The following SLC25A24 variants were observed in gnomAD, a reference collection of about 807,000 sequenced individuals.
The protein encoded by SLC25A24 is solute carrier family 25 member 24.
In SLC25A24, 49 loss-of-function variants were observed where a neutral mutation model predicts 60.7. The observed-to-expected ratio is 0.81, with a 90% CI of 0.64 to 1.02. The LOEUF (loss-of-function observed/expected upper bound fraction) is 1.02, where lower values mean the gene tolerates loss of function less well. SLC25A24 is among the 50% of genes least tolerant of loss of function. The pLI is 0.00. For missense variants in SLC25A24, 564 were observed against 586.3 expected (o/e 0.96, Z 0.39); for synonymous variants, 202 against 200.6 (o/e 1.01, Z -0.06).
At position 108,189,697 on chromosome 1, in the gene SLC25A24, TC is replaced by T. The variant is rs536222867; in HGVS notation, c.184-3744del. Among the ~76,000 whole-genome samples the T allele has an allele frequency of 2.5e-3, 386 of 151,578 alleles. 4 individuals are homozygous for T. Among genetic ancestry groups the T allele is most frequent in the African/African-American group, 9.2e-3 (381 of 41,266 alleles). On this transcript the variant is annotated intron_variant, in intron 1 of 9. Transcript: ENST00000565488. Reference sequence around the variant, plus strand: ...CAGGAGTGGTGGCACACGCCTGTAGTCCCAGCTACTCCGGAGGTTGAGGCAC... The same window carrying T: ...CAGGAGTGGTGGCACACGCCTGTAGTCCAGCTACTCCGGAGGTTGAGGCAC...
chr1:108,162,188 T>C (rs973293406), intron 3 of SLC25A24, among the ~76,000 whole-genome samples: 40 of 152,178 alleles, frequency 2.6e-4, no homozygotes, highest in Middle Eastern at 3.4e-3. Context: ...TAATCCAGTC[T>C]ATCATTGTTG....
intron 3 of SLC25A24, among the ~76,000 whole-genome samples, chr1:108,180,616 A>ATCTCTCTCTCTCTCTCTCTCTCTC (rs3043349): frequency 3.2e-5 from 2 of 61,748 alleles, no homozygotes; most frequent in African/African-American, 1.4e-4. Context: ...CAAGAGAAAG[A>ATCTCTCTCTCTCTCTCTCTCTCTC]TCTCTCTCTC....
intron 6 of SLC25A24, 89 bp downstream of exon 6, chr1:108,154,894 A>T (rs1571285815): frequency 1.0e-6 from 1 of 977,960 alleles, no homozygotes. Flanking sequence ...TATTAAAACA[A>T]GAATCCCAAA....
At chr1:108,140,300 C>T (rs1679409321) in intron 8 of SLC25A24, among the ~76,000 whole-genome samples, 1 of 151,874 alleles carries the variant, frequency 6.6e-6, no homozygotes, top group Non-Finnish European at 1.5e-5. Flanking sequence ...ACTGTATGGG[C>T]AAAACTGCCC....
chr1:108,188,281 C>G (rs957285023), intron 1 of SLC25A24, among the ~76,000 whole-genome samples: 2 of 152,186 alleles, frequency 1.3e-5, no homozygotes, highest in South Asian at 4.2e-4. Flanking sequence ...ACTATGCTCA[C>G]TACCTGGGTG....
intron 3 of SLC25A24, among the ~76,000 whole-genome samples, chr1:108,165,691 A>G (rs145262119): frequency 2.0e-5 from 3 of 152,074 alleles, no homozygotes; most frequent in Admixed American, 6.5e-5. Context: ...GTGTGTCTCT[A>G]CATGTGAGAT....
At position 108,148,377 on chromosome 1, in the gene SLC25A24, A is replaced by G. The variant is rs761350702; in HGVS notation, c.832T>C (p.Leu278=). ...KFWAYEQYKK[L]LTEEGQKIGT... is the part of the protein sequence containing the mutation. ...ATTTTTTGTCCTTCTTCAGTAAGTA[A>G]CTTCTTGTACTGTATAAACAAGTTT... The change falls in exon 7 of 10, where the codon TTA becomes CTA. Residue 278 remains leucine (L), a synonymous_variant. Transcript: ENST00000565488. The G allele has an allele frequency of 6.3e-7, 1 of 1,584,356 alleles. No homozygotes were observed. The highest frequency in any genetic ancestry group is 1.7e-5 in the Admixed American group (1 of 59,938).
Position 108,163,457 on chromosome 1 carries a change from C to T in SLC25A24, c.399-2164G>A, listed in dbSNP as rs1571293523. ...GAATGTTCTTCCATTTGTTTGTATC[C>T]TCTTTTATTTCATTAAGCAGTGGTT... On this transcript the variant is annotated intron_variant, in intron 3 of 9. Transcript: ENST00000565488. Among the ~76,000 whole-genome samples the T allele has an allele frequency of 2.0e-5, 3 of 150,156 alleles. 1 individual carries two copies. The highest frequency in any genetic ancestry group is 6.8e-3 in the Middle Eastern group (2 of 292).
At chr1:108,160,065 C>A (rs1359896854) in intron 4 of SLC25A24, among the ~76,000 whole-genome samples, 1 of 151,922 alleles carries the variant, frequency 6.6e-6, no homozygotes, top group East Asian at 2.0e-4. Flanking sequence ...CCCCTCACCT[C>A]CCGGATGGGG....
rs1558023998 is a variant in SLC25A24 at position 108,180,658 on chromosome 1, C to CTG, written c.398+1282_398+1283insCA. Among the ~76,000 whole-genome samples the CTG allele has an allele frequency of 9.6e-3, 1,007 of 105,038 alleles. 14 individuals carry two copies. The highest frequency in any genetic ancestry group is 0.034 in the African/African-American group (965 of 28,746). The allele number at this position is 105,038 out of a possible 152,430, so 68.9% of individuals were successfully genotyped here. ...TCTCTCTCTCTCTCTCTCTCTCTCT[C>CTG]TCTCTCTCTGCCATATGACAATACA... On this transcript the variant is annotated intron_variant, in intron 3 of 9. Coordinates refer to ENST00000565488, the MANE Select transcript of SLC25A24 (RefSeq NM_013386.5).
At chr1:108,175,987 A>T (rs555188424) in intron 3 of SLC25A24, among the ~76,000 whole-genome samples, 1 of 152,302 alleles carries the variant, frequency 6.6e-6, no homozygotes, top group East Asian at 1.9e-4. Context: ...ATCAACAACA[A>T]TCAGGAACAA....
intron 6 of SLC25A24, among the ~76,000 whole-genome samples, chr1:108,151,345 C>T (rs1426651641): frequency 2.0e-5 from 3 of 152,216 alleles, no homozygotes; most frequent in African/African-American, 7.2e-5. Flanking sequence ...TGTGTCTCTA[C>T]TGTCCAAGTT....
intron 1 of SLC25A24, among the ~76,000 whole-genome samples, chr1:108,196,695 C>T (rs1333437844): frequency 4.6e-5 from 7 of 152,158 alleles, no homozygotes; most frequent in East Asian, 1.9e-4. Context: ...ACCCACTTTC[C>T]GGTTCCATGG....
At chr1:108,146,599 T>C (rs995801180) in intron 7 of SLC25A24, among the ~76,000 whole-genome samples, 3 of 152,240 alleles carry the variant, frequency 2.0e-5, no homozygotes, top group Non-Finnish European at 2.9e-5. Context: ...CATCAATAAC[T>C]AGTTTAGTGA....
At chr1:108,141,339 T>C (rs529059885) in intron 8 of SLC25A24, among the ~76,000 whole-genome samples, 1 of 152,244 alleles carries the variant, frequency 6.6e-6, no homozygotes, top group African/African-American at 2.4e-5. Flanking sequence ...GCAATAGTAG[T>C]AGACCACCAC....
At chr1:108,159,756 A>G (rs1010352596) in intron 4 of SLC25A24, among the ~76,000 whole-genome samples, 8 of 151,728 alleles carry the variant, frequency 5.3e-5, no homozygotes, top group Non-Finnish European at 8.8e-5. Context: ...GACACAGCAC[A>G]TGTTTCAGAG....
At chr1:108,175,610 A>G (rs999045691) in intron 3 of SLC25A24, among the ~76,000 whole-genome samples, 1 of 152,114 alleles carries the variant, frequency 6.6e-6, no homozygotes, top group Non-Finnish European at 1.5e-5. Flanking sequence ...GGATCAATTG[A>G]GCCAGGGAAG....
intron 6 of SLC25A24, among the ~76,000 whole-genome samples, chr1:108,150,938 C>T (rs1198963055): frequency 1.4e-5 from 2 of 144,688 alleles, no homozygotes; most frequent in Non-Finnish European, 3.1e-5. Context: ...CGGTGGCTCA[C>T]TCCTGCAATC....
intron 3 of SLC25A24, among the ~76,000 whole-genome samples, chr1:108,168,005 C>G (rs1462509082): frequency 2.0e-5 from 3 of 152,188 alleles, no homozygotes; most frequent in Non-Finnish European, 4.4e-5. Context: ...TGGGCCACCT[C>G]TTACAGCTGC....
Sources: allele counts gnomAD v4.1 joint callset (sites outside exome capture counted in the v4.1 genomes callset), GRCh38; gene constraint gnomAD v4.1.1; transcripts MANE v1.5; gene names NCBI Gene and HGNC (gene_info 2026-07-23, HGNC 2026-07-21).